GMDS: variants seen among roughly 807,000 people sequenced by gnomAD.
GMDS encodes GDP-mannose 4,6 dehydratase.
GMDS carries 20 observed loss-of-function variants against 49.9 expected under a neutral mutation model. That is an observed-to-expected ratio of 0.40 (90% CI 0.28 to 0.58). The LOEUF is 0.58. Among genes scored for constraint, GMDS ranks in the 20% least tolerant of loss-of-function variants. The probability of loss-of-function intolerance (pLI) is 0.42; values close to 1 mark genes in which losing one functional copy is unlikely to be tolerated. For missense variants in GMDS, 362 were observed against 481.4 expected (o/e 0.75, Z 2.32); for synonymous variants, 177 against 178.6 (o/e 0.99, Z 0.07).
intron 4 of GMDS, among the ~76,000 whole-genome samples, chr6:2,071,383 G>A (rs1342002810): frequency 6.6e-6 from 1 of 152,090 alleles, no homozygotes; most frequent in Non-Finnish European, 1.5e-5. Context: ...CATAAGGGGT[G>A]ACAAGAGTTT....
intron 9 of GMDS, among the ~76,000 whole-genome samples, chr6:1,631,379 T>C (rs146870075): frequency 1.3e-4 from 20 of 152,244 alleles, no homozygotes; most frequent in African/African-American, 4.3e-4. Context: ...CACCTTCTCA[T>C]CTAGGAATGC....
At chr6:1,677,885 T>C (rs1400805781) in intron 9 of GMDS, among the ~76,000 whole-genome samples, 1 of 152,088 alleles carries the variant, frequency 6.6e-6, no homozygotes, top group South Asian at 2.1e-4. Flanking sequence ...ACATGGCACA[T>C]GTCTACATAT....
intron 8 of GMDS, among the ~76,000 whole-genome samples, chr6:1,733,250 G>A (rs1005471510): frequency 3.2e-4 from 48 of 152,344 alleles, no homozygotes; most frequent in East Asian, 5.8e-4. Flanking sequence ...TGAAGTATGC[G>A]ACCTCAGCAG....
At position 2,000,692 on chromosome 6, in the gene GMDS, C is replaced by T. The variant is rs748904372; in HGVS notation, c.346-39726G>A. ...AGTGGTTCTTTGAGAGACAGGGTCT[C>T]GCTCTTTTGCTCAGGTTGAAGTGCA... On this transcript the variant is annotated intron_variant, in intron 4 of 10. Coordinates refer to ENST00000380815, the MANE Select transcript of GMDS (RefSeq NM_001500.4). Among the ~76,000 whole-genome samples the T allele has an allele frequency of 3.3e-5, 5 of 152,078 alleles. No homozygotes were observed. In the South Asian group the frequency reaches 8.3e-4, roughly 25 times the overall value.
intron 1 of GMDS, among the ~76,000 whole-genome samples, chr6:2,170,911 C>T (rs1394542173): frequency 6.6e-6 from 1 of 151,958 alleles, no homozygotes; most frequent in Non-Finnish European, 1.5e-5. Context: ...AGGAGAATGG[C>T]ATGAACCCAG....
At chr6:2,040,717 T>A (rs1353507164) in intron 4 of GMDS, among the ~76,000 whole-genome samples, 1 of 152,054 alleles carries the variant, frequency 6.6e-6, no homozygotes, top group Non-Finnish European at 1.5e-5. Flanking sequence ...AGCAGGAAGG[T>A]CACTCTCACC....
chr6:1,953,500 A>G (rs1016273281), intron 6 of GMDS, among the ~76,000 whole-genome samples: 20 of 152,196 alleles, frequency 1.3e-4, no homozygotes, highest in African/African-American at 4.8e-4. Context: ...CTTAATTTAG[A>G]ATACACTCAT....
chr6:1,739,012 T>G (rs1352864412), intron 8 of GMDS, among the ~76,000 whole-genome samples: 1 of 152,220 alleles, frequency 6.6e-6, no homozygotes, highest in African/African-American at 2.4e-5. Flanking sequence ...GGATATCCAC[T>G]TGTGCTTAAT....
chr6:1,735,223 C>T (rs752286996), intron 8 of GMDS, among the ~76,000 whole-genome samples: 6 of 152,162 alleles, frequency 3.9e-5, no homozygotes, highest in Non-Finnish European at 1.5e-5. Context: ...TTCACCTACA[C>T]GACTGTGTCT....
chr6:2,169,181 T>A (rs1451585748), intron 1 of GMDS, among the ~76,000 whole-genome samples: 3 of 152,180 alleles, frequency 2.0e-5, no homozygotes, highest in African/African-American at 4.8e-5. Context: ...AGGGACAAAT[T>A]AAGAACTGGA....
At chr6:2,028,247 C>T (rs537898037) in intron 4 of GMDS, among the ~76,000 whole-genome samples, 11 of 152,172 alleles carry the variant, frequency 7.2e-5, no homozygotes, top group African/African-American at 2.4e-4. Flanking sequence ...ATAAACTCAC[C>T]TTATAAGATT....
intron 6 of GMDS, among the ~76,000 whole-genome samples, chr6:1,953,919 G>A (rs75867738): frequency 0.014 from 2,150 of 152,138 alleles, 44 homozygotes; most frequent in African/African-American, 0.047. Flanking sequence ...GTTTTTCAAA[G>A]AAATGTAATA....
intron 4 of GMDS, among the ~76,000 whole-genome samples, chr6:2,045,107 A>G (rs1439769254): frequency 6.6e-6 from 1 of 151,908 alleles, no homozygotes; most frequent in Non-Finnish European, 1.5e-5. Context: ...GCCTATTTAG[A>G]TTTTCTTGAA....
chr6:1,853,122 A>G (rs1757766546), intron 7 of GMDS, among the ~76,000 whole-genome samples: 1 of 152,112 alleles, frequency 6.6e-6, no homozygotes, highest in Non-Finnish European at 1.5e-5. Context: ...CCCCTTTCCT[A>G]CTCACTAAGG....
At chr6:1,956,740 A>T (rs1763657900) in intron 6 of GMDS, among the ~76,000 whole-genome samples, 1 of 152,220 alleles carries the variant, frequency 6.6e-6, no homozygotes, top group South Asian at 2.1e-4. Flanking sequence ...GTTTACAAAG[A>T]TTATTAACAA....
At chr6:2,052,507 C>T (rs1026829763) in intron 4 of GMDS, among the ~76,000 whole-genome samples, 2 of 152,212 alleles carry the variant, frequency 1.3e-5, no homozygotes, top group African/African-American at 2.4e-5. Context: ...GAATATGGCT[C>T]TTTCATGGAA....
intron 7 of GMDS, among the ~76,000 whole-genome samples, chr6:1,821,351 C>T (rs1001160472): frequency 2.0e-5 from 3 of 152,014 alleles, no homozygotes; most frequent in African/African-American, 7.2e-5. Context: ...TTCAACACTG[C>T]CAGGGGAGCC....
chr6:2,001,620 C>T (rs1333421635), intron 4 of GMDS, among the ~76,000 whole-genome samples: 1 of 152,162 alleles, frequency 6.6e-6, no homozygotes, highest in Non-Finnish European at 1.5e-5. Flanking sequence ...AGGACTCACA[C>T]TTCCTAAATT....
chr6:1,832,074 C>CT (rs1320350548), intron 7 of GMDS, among the ~76,000 whole-genome samples: 1 of 151,874 alleles, frequency 6.6e-6, no homozygotes, highest in African/African-American at 2.4e-5. Context: ...ATTAAAATCT[C>CT]TTTAGAACAG....
Sources: gnomAD v4.1 joint callset for allele counts (sites outside exome capture counted in the v4.1 genomes callset) on GRCh38, gnomAD v4.1.1 for gene constraint, MANE v1.5 for transcripts, NCBI Gene and HGNC (gene_info 2026-07-23, HGNC 2026-07-21) for gene names.